Variants in LINC01488 observed in about 807,000 individuals in gnomAD.
The protein encoded by LINC01488 is CCND1-upstream intergenic DNA repair 1.
chr11:69,484,783 T>G (rs1470748337), intron 1 of LINC01488, among the ~76,000 whole-genome samples: 4 of 152,342 alleles, frequency 2.6e-5, no homozygotes, highest in East Asian at 1.9e-4. Context: ...GTCTTCAGTC[T>G]GTGCTTTGCA....
At chr11:69,489,119 A>G (rs1857172974) in intron 1 of LINC01488, among the ~76,000 whole-genome samples, 1 of 152,106 alleles carries the variant, frequency 6.6e-6, no homozygotes, top group Admixed American at 6.5e-5. Context: ...TGGCCCCCAA[A>G]CGCCCCTCGG....
rs373334814 is a variant in LINC01488 at position 69,489,651 on chromosome 11, C to G, written n.123-844C>G. 4.6e-5 allele frequency among the ~76,000 whole-genome samples: 7 copies of G among 152,372 alleles called. No individual in the cohort carries two copies. In the East Asian group the frequency reaches 7.7e-4, roughly 17 times the overall value. ...CACCGGTAGCGGGTGCTCCAAGGGC[C>G]GAGAGGCGTCCATAGGCCGTAGGCT... On this transcript the variant is annotated intron_variant and non_coding_transcript_variant, in intron 1 of 3. Coordinates refer to ENST00000644563, the Ensembl canonical transcript of LINC01488.
At chr11:69,487,686 G>A (rs190738160) in intron 1 of LINC01488, among the ~76,000 whole-genome samples, 1 of 152,190 alleles carries the variant, frequency 6.6e-6, no homozygotes, top group Admixed American at 6.5e-5. Flanking sequence ...GTGCTCCCCA[G>A]GCAGGTGTGG....
exon 2 of LINC01488, chr11:69,490,500 A>T (rs1857203879): frequency 6.6e-6 from 1 of 152,260 alleles, no homozygotes; most frequent in South Asian, 2.1e-4. Flanking sequence ...TCCAGATACA[A>T]ACTCATCTGG....
intron 1 of LINC01488, chr11:69,486,093 G>C (rs940960884): frequency 6.9e-6 from 1 of 144,530 alleles, no homozygotes; most frequent in Admixed American, 6.8e-5. Flanking sequence ...CTGAGGCCCA[G>C]AGTGATGCAG....
chr11:69,484,174 G>A lies in LINC01488; in HGVS notation n.122+2391G>A, dbSNP rs680817. 3.4e-3 allele frequency among the ~76,000 whole-genome samples: 522 copies of A among 152,256 alleles called. 3 individuals carry two copies. Among genetic ancestry groups the A allele is most frequent in the Non-Finnish European group, 5.5e-3 (371 of 68,006 alleles). ...CTTAGAACCTGCGTTCTGCAGCTTC[G>A]AGATAGAGAGCGACCTCAGAACACT... On this transcript the variant is annotated intron_variant and non_coding_transcript_variant, in intron 1 of 3. Coordinates refer to ENST00000644563, the Ensembl canonical transcript of LINC01488.
intron 1 of LINC01488, among the ~76,000 whole-genome samples, chr11:69,486,636 C>T (rs1048774816): frequency 6.6e-6 from 1 of 152,184 alleles, no homozygotes; most frequent in African/African-American, 2.4e-5. Context: ...GCCTTCTGCT[C>T]AGAGACTGAG....
At chr11:69,487,156 G>T (rs1198588102) in intron 1 of LINC01488, among the ~76,000 whole-genome samples, 1 of 152,228 alleles carries the variant, frequency 6.6e-6, no homozygotes, top group Non-Finnish European at 1.5e-5. Flanking sequence ...GGGCAGGAAT[G>T]CTGGAGGCCA....
At chr11:69,482,807 A>C (rs1590867668) in intron 1 of LINC01488, among the ~76,000 whole-genome samples, 1 of 152,334 alleles carries the variant, frequency 6.6e-6, no homozygotes. Flanking sequence ...AAGGTGTGGC[A>C]GGGCTGGTTC....
chr11:69,492,068 A>G (rs1368548053), intron 3 of LINC01488: 3 of 152,286 alleles, frequency 2.0e-5, no homozygotes, highest in Admixed American at 2.0e-4. Context: ...GAAGACAGGA[A>G]CTAATGGGAG....
At chr11:69,492,467 G>A (rs1362661015) in exon 4 of LINC01488, 1 of 152,512 alleles carries the variant, frequency 6.6e-6, no homozygotes, top group Non-Finnish European at 1.5e-5. Context: ...ATAAGTGGAG[G>A]AGGAGGCAGG....
chr11:69,482,895 C>G (rs566339025), intron 1 of LINC01488, among the ~76,000 whole-genome samples: 1 of 152,140 alleles, frequency 6.6e-6, no homozygotes. Flanking sequence ...TATGTGGGTC[C>G]GTATCCTAAT....
intron 1 of LINC01488, among the ~76,000 whole-genome samples, chr11:69,484,682 C>T (rs192798844): frequency 6.6e-5 from 10 of 152,378 alleles, no homozygotes; most frequent in African/African-American, 2.2e-4. Flanking sequence ...GGCCCTGTGT[C>T]GCGCTGGCCC....
chr11:69,482,270 A>G (rs1007672489), intron 1 of LINC01488, among the ~76,000 whole-genome samples: 1 of 152,190 alleles, frequency 6.6e-6, no homozygotes, highest in Non-Finnish European at 1.5e-5. Flanking sequence ...ATTCACTACC[A>G]TGAGAACAGT....
Position 69,491,799 on chromosome 11 carries a change from G to A in LINC01488, n.577-302G>A, listed in dbSNP as rs114602252. ...GGCGCTGCTTCAGCGTGGTGAGACA[G>A]GCAAGGAGATCGGGAGCAAGAGGGC... On this transcript the variant is annotated intron_variant and non_coding_transcript_variant, in intron 3 of 3. Transcript: ENST00000644563. The A allele has an allele frequency of 5.1e-3, 772 of 152,674 alleles. 6 individuals carry two copies. Among genetic ancestry groups the A allele is most frequent in the African/African-American group, 0.017 (719 of 41,608 alleles). The allele number at this position is 152,674 out of a possible 1,614,324, so 9.5% of individuals were successfully genotyped here.
chr11:69,487,217 A>G (rs546858753), intron 1 of LINC01488, among the ~76,000 whole-genome samples: 8 of 152,120 alleles, frequency 5.3e-5, no homozygotes, highest in Admixed American at 2.6e-4. Context: ...CACAGAAGAG[A>G]GTAGCGGGAG....
At chr11:69,484,142 C>T (rs1430739314) in intron 1 of LINC01488, among the ~76,000 whole-genome samples, 3 of 152,308 alleles carry the variant, frequency 2.0e-5, no homozygotes, top group East Asian at 3.9e-4. Context: ...GGGGTGCCCC[C>T]TCACTCCTTA....
intron 1 of LINC01488, among the ~76,000 whole-genome samples, chr11:69,487,192 G>T (rs1180493721): frequency 6.6e-6 from 1 of 152,200 alleles, no homozygotes; most frequent in Admixed American, 6.5e-5. Context: ...GCTTGGGTGC[G>T]GTGCTTGGAG....
chr11:69,489,358 G>A (rs1019264564), intron 1 of LINC01488, among the ~76,000 whole-genome samples: 3 of 152,234 alleles, frequency 2.0e-5, no homozygotes, highest in Admixed American at 6.5e-5. Flanking sequence ...GGCTGCTGCC[G>A]TTGGGCTCTG....
Sources: gnomAD v4.1 joint callset for allele counts (sites outside exome capture counted in the v4.1 genomes callset) on GRCh38, gnomAD v4.1.1 for gene constraint, MANE v1.5 for transcripts, NCBI Gene and HGNC (gene_info 2026-07-23, HGNC 2026-07-21) for gene names.